Variants in VXN observed in about 807,000 individuals in gnomAD.
The protein encoded by VXN is uncharacterized protein C8orf46.
Under a neutral mutation model 23.1 loss-of-function variants are expected in VXN, and 7 were observed. That is an observed-to-expected ratio of 0.30 (90% CI 0.17 to 0.57). The LOEUF (loss-of-function observed/expected upper bound fraction) is 0.57, where lower values mean the gene tolerates loss of function less well. Among genes scored for constraint, VXN ranks in the 20% least tolerant of loss-of-function variants. The pLI is 0.91. For synonymous variants in VXN, 120 were observed against 105.8 expected, an observed-to-expected ratio of 1.13 and a Z score of -0.83; for missense variants, 238 against 272.6, an observed-to-expected ratio of 0.87 and a Z score of 0.89.
intron 2 of VXN, 109 bp from the exon 3 acceptor site, chr8:66,505,266 A>G: frequency 2.1e-6 from 3 of 1,409,632 alleles, no homozygotes. Context: ...CGAAGGATCC[A>G]GAAACTCCCT....
intron 2 of VXN, chr8:66,503,615 C>T (rs1586518151): frequency 6.6e-6 from 1 of 152,350 alleles, no homozygotes; most frequent in East Asian, 1.9e-4. Context: ...AGGAAAATTC[C>T]AGCATTCAAC....
Position 66,505,797 on chromosome 8 carries a change from C to CT in VXN, c.280+277dup, listed in dbSNP as rs139022346. Among the ~76,000 whole-genome samples the CT allele has an allele frequency of 1.2e-3, 184 of 152,202 alleles. 2 individuals are homozygous for CT. The East Asian group carries it at 0.017, about 14-fold the overall frequency. The stretch of plus-strand genomic sequence containing the variant: ...ATGAGCAAAGATGCTCTTATCTAAT[C>CT]TTTTTTTTCTTTTCTTTCATTGAGA... On this transcript the variant is annotated intron_variant, in intron 3 of 5. Coordinates refer to ENST00000305454, the MANE Select transcript of VXN (RefSeq NM_152765.4).
chr8:66,501,612 G>C (rs1807692877), intron 2 of VXN, among the ~76,000 whole-genome samples: 1 of 152,170 alleles, frequency 6.6e-6, no homozygotes, highest in African/African-American at 2.4e-5. Flanking sequence ...TCTTCCTCCA[G>C]GTGGACAGCA....
At chr8:66,509,655 T>C (rs2130554897) in intron 3 of VXN, among the ~76,000 whole-genome samples, 1 of 152,326 alleles carries the variant, frequency 6.6e-6, no homozygotes, top group South Asian at 2.1e-4. Context: ...TGAAGGCACA[T>C]TCTGAGCACC....
chr8:66,502,925 C>CA (rs2130547135), intron 2 of VXN, among the ~76,000 whole-genome samples: 1 of 151,554 alleles, frequency 6.6e-6, no homozygotes, highest in East Asian at 2.0e-4. Context: ...AAGCTCACTA[C>CA]AGCCCCCACC....
chr8:66,502,277 T>C (rs1038004400), intron 2 of VXN, among the ~76,000 whole-genome samples: 3 of 152,082 alleles, frequency 2.0e-5, no homozygotes, highest in African/African-American at 7.2e-5. Context: ...TACACAAAGG[T>C]ATGAGTCAGT....
chr8:66,496,529 T>C, intron 2 of VXN, 37 bp downstream of exon 2: 2 of 1,598,034 alleles, frequency 1.3e-6, no homozygotes, highest in South Asian at 1.1e-5. Flanking sequence ...TTTGGTTGAC[T>C]TTCATTTAAA....
At chr8:66,498,330 C>T (rs192366507) in intron 2 of VXN, among the ~76,000 whole-genome samples, 7 of 152,016 alleles carry the variant, frequency 4.6e-5, no homozygotes, top group African/African-American at 1.7e-4. Context: ...GAGACCCTGC[C>T]TCAAATAAAA....
chr8:66,511,146 C>T (rs1807819508), intron 4 of VXN, among the ~76,000 whole-genome samples: 1 of 152,186 alleles, frequency 6.6e-6, no homozygotes. Context: ...AGCTGTCCTT[C>T]CTTGAAGGGG....
At chr8:66,511,659 A>T (rs1361244116) in intron 4 of VXN, among the ~76,000 whole-genome samples, 1 of 152,218 alleles carries the variant, frequency 6.6e-6, no homozygotes, top group Non-Finnish European at 1.5e-5. Flanking sequence ...CCAGCCCTTA[A>T]GCTGGCTTCA....
At chr8:66,501,504 AG>A (rs1215953616) in intron 2 of VXN, among the ~76,000 whole-genome samples, 1 of 152,200 alleles carries the variant, frequency 6.6e-6, no homozygotes, top group Non-Finnish European at 1.5e-5. Flanking sequence ...TGGAAAGAGA[AG>A]GGGTTGTCTG....
Position 66,513,420 on chromosome 8 carries a change from G to A in VXN, c.343-120G>A, listed in dbSNP as rs1192221704. ...GGCAGTCCCACACCTGCTGAATGAT[G>A]AGGACTATGCCCAGGCGGTGGTGGT... On this transcript the variant is annotated intron_variant, in intron 4 of 5. Coordinates refer to ENST00000305454, the MANE Select transcript of VXN (RefSeq NM_152765.4). 5.9e-6 allele frequency: 5 copies of A among 841,016 alleles called. No individual in the cohort carries two copies. The Admixed American group carries it at 9.2e-5, about 15-fold the overall frequency. The allele number at this position is 841,016 out of a possible 1,614,324, so 52.1% of individuals were successfully genotyped here.
chr8:66,507,984 G>A (rs558809494), intron 3 of VXN, among the ~76,000 whole-genome samples: 2 of 152,318 alleles, frequency 1.3e-5, no homozygotes, highest in African/African-American at 4.8e-5. Flanking sequence ...TCTAAATGCA[G>A]AGACCTGACT....
At chr8:66,496,113 A>G (rs531261990) in intron 1 of VXN, among the ~76,000 whole-genome samples, 236 of 152,324 alleles carry the variant, frequency 1.5e-3, no homozygotes, top group Non-Finnish European at 2.5e-3. Flanking sequence ...AGGTTCATCC[A>G]TGTGTGGCAT....
At chr8:66,515,450 A>T (rs1313508988) in intron 5 of VXN, among the ~76,000 whole-genome samples, 2 of 152,204 alleles carry the variant, frequency 1.3e-5, no homozygotes, top group South Asian at 2.1e-4. Context: ...GCACATGAAG[A>T]AACTGAGGCT....
intron 2 of VXN, chr8:66,503,464 A>G (rs1191549086): frequency 6.6e-6 from 1 of 152,200 alleles, no homozygotes; most frequent in African/African-American, 2.4e-5. Flanking sequence ...TGGGATCCTG[A>G]GGCTTGTGTG....
chr8:66,506,607 C>T (rs912017236), intron 3 of VXN, among the ~76,000 whole-genome samples: 2 of 152,150 alleles, frequency 1.3e-5, no homozygotes, highest in Non-Finnish European at 2.9e-5. Flanking sequence ...TGAAAGCCTT[C>T]GGGCGTTGGC....
chr8:66,514,385 T>G (rs1416262716), intron 5 of VXN: 6 of 152,344 alleles, frequency 3.9e-5, no homozygotes, highest in African/African-American at 1.4e-4. Context: ...AAAACAGGAA[T>G]CACAGGGGGT....
In VXN at chr8:66,507,544, C is replaced by T. The variant is rs117228837; in HGVS notation, c.280+2016C>T. On this transcript the variant is annotated intron_variant, in intron 3 of 5. Transcript: ENST00000305454. ...CCACAGGGAATGTCTTTCCAACTGT[C>T]GAGTTTTAAGGATCACTTTCATTCC... Among the ~76,000 whole-genome samples the T allele has an allele frequency of 2.7e-3, 416 of 152,286 alleles. 3 individuals carry two copies. Among genetic ancestry groups the T allele is most frequent in the African/African-American group, 9.0e-3 (373 of 41,550 alleles).
Sources: allele counts gnomAD v4.1 joint callset (sites outside exome capture counted in the v4.1 genomes callset), GRCh38; gene constraint gnomAD v4.1.1; transcripts MANE v1.5; gene names NCBI Gene and HGNC (gene_info 2026-07-23, HGNC 2026-07-21).